Variants in HIVEP3 observed in about 807,000 individuals in gnomAD.
HIVEP3 encodes the protein transcription factor HIVEP3.
Under a neutral mutation model 152.8 loss-of-function variants are expected in HIVEP3, and 49 were observed. The observed-to-expected ratio is 0.32, with a 90% confidence interval of 0.26 to 0.41. HIVEP3 has a LOEUF of 0.41. HIVEP3 is among the 10% of genes least tolerant of loss of function. The probability of loss-of-function intolerance (pLI) is 1.00; values close to 1 mark genes in which losing one functional copy is unlikely to be tolerated. For missense variants in HIVEP3, 2,790 were observed against 3,103.3 expected, an observed-to-expected ratio of 0.90 and a Z score of 2.40; for synonymous variants, 1,269 against 1,289.0, an observed-to-expected ratio of 0.98 and a Z score of 0.33.
intron 1 of HIVEP3, among the ~76,000 whole-genome samples, chr1:41,702,759 A>G (rs1646381771): frequency 6.6e-6 from 1 of 152,246 alleles, no homozygotes; most frequent in Non-Finnish European, 1.5e-5. Context: ...GCAGATATTA[A>G]TAAATGATTG....
At chr1:42,008,953 G>A (rs1645477384) in intron 1 of HIVEP3, among the ~76,000 whole-genome samples, 1 of 152,200 alleles carries the variant, frequency 6.6e-6, no homozygotes, top group Non-Finnish European at 1.5e-5. Flanking sequence ...TTCCTCTGCA[G>A]ACTGTTATTT....
chr1:42,033,111 G>A (rs1645622434), intron 1 of HIVEP3, among the ~76,000 whole-genome samples: 1 of 151,976 alleles, frequency 6.6e-6, no homozygotes, highest in African/African-American at 2.4e-5. Context: ...ATGGGAGGAG[G>A]GAGTTAAACT....
chr1:41,527,989 CTCCCGCA>C, intron 5 of HIVEP3, among the ~76,000 whole-genome samples: 1 of 149,016 alleles, frequency 6.7e-6, no homozygotes, highest in Non-Finnish European at 1.5e-5. Context: ...ACACTCCACA[CTCCCGCA>C]CTCACACTCC....
At chr1:41,902,150 G>A (rs1194505669) in intron 1 of HIVEP3, among the ~76,000 whole-genome samples, 1 of 152,156 alleles carries the variant, frequency 6.6e-6, no homozygotes, top group African/African-American at 2.4e-5. Context: ...TTTAAGTGGA[G>A]GCTTAGGGCA....
intron 1 of HIVEP3, among the ~76,000 whole-genome samples, chr1:41,929,168 A>C (rs1311268312): frequency 6.6e-6 from 1 of 152,070 alleles, no homozygotes; most frequent in Non-Finnish European, 1.5e-5. Flanking sequence ...TATTTCCTCC[A>C]CTTCTCTCTA....
chr1:41,583,831 G>A lies in HIVEP3; in HGVS notation c.967C>T (p.Arg323Cys), dbSNP rs762843724. ...SSGSHSSSHE[R>C]CSLSQSSTAQ... is the part of the protein sequence containing the mutation. ...GTGCTGGACTGGGACAGGGAACAGCGTTCGTGGCTGGAACTGTGGCTCCCA... is the reference window on the plus strand; with the variant it reads ...GTGCTGGACTGGGACAGGGAACAGCATTCGTGGCTGGAACTGTGGCTCCCA... The change falls in exon 4 of 9, where the codon CGC becomes TGC. Residue 323 changes from arginine to cysteine, a missense_variant. Arg to Cys is a radical substitution (Grantham distance 180). Transcript: ENST00000372583. This position sits in a 1 kb window ranked among gnomAD's most constrained non-coding sequence, Gnocchi z 6.9. The A allele has an allele frequency of 4.4e-6, 7 of 1,606,146 alleles. No homozygotes were observed. The highest frequency in any genetic ancestry group is 2.2e-5 in the South Asian group (2 of 89,674).
intron 1 of HIVEP3, among the ~76,000 whole-genome samples, chr1:42,035,513 G>T (rs1645636501): frequency 1.3e-5 from 2 of 152,198 alleles, no homozygotes; most frequent in Admixed American, 1.3e-4. Context: ...TGTGGGGCCC[G>T]GGCTGAGGAG....
intron 1 of HIVEP3, among the ~76,000 whole-genome samples, chr1:41,971,983 T>C (rs1645232557): frequency 6.6e-6 from 1 of 152,170 alleles, no homozygotes; most frequent in African/African-American, 2.4e-5. Flanking sequence ...AGAGCAGCCC[T>C]CACCAGACAC....
intron 5 of HIVEP3, among the ~76,000 whole-genome samples, chr1:41,537,981 T>C (rs757664112): frequency 4.6e-5 from 7 of 152,184 alleles, no homozygotes; most frequent in Non-Finnish European, 7.3e-5. Flanking sequence ...GGGCCAGAAA[T>C]ATAAAGCTAA....
chr1:41,909,476 A>G (rs1348006957), intron 1 of HIVEP3, among the ~76,000 whole-genome samples: 1 of 152,204 alleles, frequency 6.6e-6, no homozygotes, highest in Non-Finnish European at 1.5e-5. Context: ...CTCAAAATAT[A>G]TAAAACACAA....
intron 1 of HIVEP3, among the ~76,000 whole-genome samples, chr1:41,909,192 C>G (rs573525382): frequency 6.6e-6 from 1 of 152,202 alleles, no homozygotes; most frequent in East Asian, 1.9e-4. Context: ...GTAAAAACCT[C>G]TCTCAAAAAC....
At chr1:41,801,044 T>A (rs1190285958) in intron 1 of HIVEP3, among the ~76,000 whole-genome samples, 2 of 152,168 alleles carry the variant, frequency 1.3e-5, no homozygotes, top group Non-Finnish European at 2.9e-5. Flanking sequence ...TGGAGTTAAA[T>A]AAAGTCACAA....
At chr1:41,600,141 T>A (rs1644724287) in intron 3 of HIVEP3, among the ~76,000 whole-genome samples, 1 of 152,240 alleles carries the variant, frequency 6.6e-6, no homozygotes, top group South Asian at 2.1e-4. Context: ...GTGCAGCCTC[T>A]ATGGAAAACA....
intron 1 of HIVEP3, among the ~76,000 whole-genome samples, chr1:41,890,660 T>G (rs1292256348): frequency 1.3e-5 from 2 of 152,170 alleles, no homozygotes; most frequent in Non-Finnish European, 2.9e-5. Flanking sequence ...AAAACCAACT[T>G]GGTAAGTGGT....
intron 5 of HIVEP3, among the ~76,000 whole-genome samples, chr1:41,530,995 G>T (rs991131224): frequency 6.6e-6 from 1 of 152,200 alleles, no homozygotes; most frequent in Non-Finnish European, 1.5e-5. Flanking sequence ...GAGGAGCCTG[G>T]GTTGGGTGAG....
At chr1:41,826,802 T>A (rs1642818319) in intron 1 of HIVEP3, among the ~76,000 whole-genome samples, 1 of 152,178 alleles carries the variant, frequency 6.6e-6, no homozygotes, top group Admixed American at 6.5e-5. Flanking sequence ...CAGGGAGAAA[T>A]GTTACTGACT....
intron 5 of HIVEP3, among the ~76,000 whole-genome samples, chr1:41,545,803 TCACCAC>T (rs1335122735): frequency 1.6e-5 from 2 of 122,902 alleles, no homozygotes; most frequent in South Asian, 5.6e-4. Flanking sequence ...ATCACCACCA[TCACCAC>T]CACCACCACC....
intron 1 of HIVEP3, among the ~76,000 whole-genome samples, chr1:41,736,347 C>T (rs901965936): frequency 6.6e-6 from 1 of 152,172 alleles, no homozygotes; most frequent in African/African-American, 2.4e-5. Context: ...AGACCAAGCT[C>T]CTTTGACAAG....
chr1:41,514,777 T>C (rs1642555163), intron 7 of HIVEP3, among the ~76,000 whole-genome samples: 1 of 152,216 alleles, frequency 6.6e-6, no homozygotes, highest in Non-Finnish European at 1.5e-5. Context: ...AAAAACAAAA[T>C]TGTGATACTT....
Sources: gnomAD v4.1 joint callset for allele counts (sites outside exome capture counted in the v4.1 genomes callset) on GRCh38, gnomAD v4.1.1 for gene constraint, Gnocchi (gnomAD v3.1) non-coding constraint, MANE v1.5 for transcripts, NCBI Gene and HGNC (gene_info 2026-07-23, HGNC 2026-07-21) for gene names.